Variants in RTKN2 observed in about 807,000 individuals in gnomAD.
RTKN2 encodes the protein rhotekin 2, also known as rhotekin-2.
A neutral mutation model predicts 71.5 loss-of-function variants in RTKN2; 69 were observed. The observed-to-expected ratio is 0.96, with a 90% CI of 0.79 to 1.18. The LOEUF (loss-of-function observed/expected upper bound fraction) is 1.18. Ranked by LOEUF, RTKN2 falls within the 50% of genes most tolerant of loss-of-function variation. The pLI is 0.00. For synonymous variants in RTKN2, 236 were observed against 236.5 expected (o/e 1.00, Z 0.02); for missense variants, 724 against 719.7 (o/e 1.01, Z -0.07).
chr10:62,247,164 T>TA (rs1274770140), intron 2 of RTKN2, among the ~76,000 whole-genome samples: 3 of 151,970 alleles, frequency 2.0e-5, no homozygotes, highest in Non-Finnish European at 4.4e-5. Context: ...GGACTTTATC[T>TA]AAGTAATTTT....
At chr10:62,225,893 T>A (rs1842011845) in intron 6 of RTKN2, among the ~76,000 whole-genome samples, 1 of 151,468 alleles carries the variant, frequency 6.6e-6, no homozygotes, top group South Asian at 2.1e-4. Flanking sequence ...GCCATTCTCC[T>A]CCCTCAGCCT....
At chr10:62,202,191 A>G (rs1162795182) in intron 10 of RTKN2, among the ~76,000 whole-genome samples, 2 of 152,164 alleles carry the variant, frequency 1.3e-5, no homozygotes, top group Non-Finnish European at 2.9e-5. Context: ...AAATGTTAAA[A>G]ATAGCTATTA....
At chr10:62,216,067 G>A (rs1468133268) in intron 9 of RTKN2, among the ~76,000 whole-genome samples, 1 of 151,880 alleles carries the variant, frequency 6.6e-6, no homozygotes, top group East Asian at 1.9e-4. Context: ...GTAAAAAGCA[G>A]TGTAATTTCT....
At chr10:62,206,055 A>G (rs1301780277) in intron 9 of RTKN2, among the ~76,000 whole-genome samples, 1 of 152,198 alleles carries the variant, frequency 6.6e-6, no homozygotes, top group Non-Finnish European at 1.5e-5. Flanking sequence ...GATGTATTTC[A>G]TGTAACTCAG....
At position 62,240,261 on chromosome 10, in the gene RTKN2, A is replaced by AC. The variant is rs141369606; in HGVS notation, c.371-497_371-496insG. ...CAAGGGAGGAAACCACAAGAAAAAA[A>AC]AAAACAAAACAATAAAATAGACATG... is the stretch of plus-strand genomic sequence containing the variant. On this transcript the variant is annotated intron_variant, in intron 4 of 11. Transcript: ENST00000373789. 6.2e-3 allele frequency among the ~76,000 whole-genome samples: 940 copies of AC among 151,460 alleles called. 4 individuals carry two copies. Among genetic ancestry groups the AC allele is most frequent in the Non-Finnish European group, 7.4e-3 (500 of 67,808 alleles).
chr10:62,264,949 A>C (rs1842842318), intron 1 of RTKN2, among the ~76,000 whole-genome samples: 1 of 152,100 alleles, frequency 6.6e-6, no homozygotes. Context: ...ACAACCTTAA[A>C]GAACCAGCAG....
rs1841301431 is a variant in RTKN2, at chr10:62,195,352, T to C, written c.*2556A>G. ...AAGCTGAAGCAGCTTTCATATTACA[T>C]GGCATATTTATTTGTCATAAACTTC... On this transcript the variant is annotated 3_prime_UTR_variant, in exon 12 of 12. Transcript: ENST00000373789. 1 of 984,620 alleles carries C rather than the reference T, an allele frequency of 1.0e-6. No individual in the cohort carries two copies. The highest frequency in any genetic ancestry group is 1.1e-4 in the East Asian group (1 of 8,826). 61.0% of individuals were successfully genotyped at this position (984,620 alleles called of 1,614,324 possible). A position where few individuals can be genotyped will look rare whatever the true frequency, so the allele number is the denominator to read the frequency against.
intron 2 of RTKN2, among the ~76,000 whole-genome samples, chr10:62,250,982 C>G (rs1288076865): frequency 6.6e-6 from 1 of 152,146 alleles, no homozygotes; most frequent in Non-Finnish European, 1.5e-5. Flanking sequence ...TGTAATGAAA[C>G]CTCACACTGC....
intron 1 of RTKN2, among the ~76,000 whole-genome samples, chr10:62,266,152 T>C (rs1341594314): frequency 1.3e-5 from 2 of 152,216 alleles, no homozygotes; most frequent in African/African-American, 4.8e-5. Flanking sequence ...AAAGTCAGGC[T>C]GATAAAAATA....
At chr10:62,226,257 TTA>T (rs1842021480) in intron 6 of RTKN2, among the ~76,000 whole-genome samples, 1 of 152,216 alleles carries the variant, frequency 6.6e-6, no homozygotes, top group African/African-American at 2.4e-5. Flanking sequence ...ATGCTAGGTG[TTA>T]TGTTTCATAA....
At chr10:62,242,912 T>C (rs947727596) in intron 3 of RTKN2, among the ~76,000 whole-genome samples, 1 of 152,214 alleles carries the variant, frequency 6.6e-6, no homozygotes, top group African/African-American at 2.4e-5. Context: ...ATTACAGGCA[T>C]GAGCCACTGT....
chr10:62,219,265 G>A (rs939848506), intron 7 of RTKN2, among the ~76,000 whole-genome samples: 5 of 152,096 alleles, frequency 3.3e-5, no homozygotes, highest in Admixed American at 3.3e-4. Flanking sequence ...GATGACACTG[G>A]GGCGCAGCCT....
Position 62,193,751 on chromosome 10 carries a change from A to G in RTKN2, c.*4157T>C. On this transcript the variant is annotated 3_prime_UTR_variant, in exon 12 of 12. Coordinates refer to ENST00000373789, the MANE Select transcript of RTKN2 (RefSeq NM_145307.4). ...CTGCAGTGGCTTAAGCTCTGGGGAA[A>G]TTCTGGATCACTAAACTAAAAGTAA... The G allele has an allele frequency of 7.1e-6, 7 of 985,320 alleles. No homozygotes were observed. The highest frequency in any genetic ancestry group is 8.4e-6 in the Non-Finnish European group (7 of 829,818). 61.0% of individuals were successfully genotyped at this position (985,320 alleles called of 1,614,324 possible).
intron 2 of RTKN2, among the ~76,000 whole-genome samples, chr10:62,261,377 C>T (rs1476971225): frequency 6.6e-6 from 1 of 152,174 alleles, no homozygotes; most frequent in Non-Finnish European, 1.5e-5. Context: ...CACAGTGGCT[C>T]ATGCCTGTAA....
intron 2 of RTKN2, among the ~76,000 whole-genome samples, chr10:62,259,695 G>A (rs1184357601): frequency 6.6e-6 from 1 of 152,118 alleles, no homozygotes; most frequent in Admixed American, 6.5e-5. Flanking sequence ...GGGAGTACAG[G>A]CACATGCCAC....
chr10:62,208,170 AATT>A (rs1443531105), intron 9 of RTKN2, among the ~76,000 whole-genome samples: 7 of 152,284 alleles, frequency 4.6e-5, no homozygotes, highest in Admixed American at 3.9e-4. Context: ...GGTTTTTAAA[AATT>A]ATTATTTTGA....
rs1841268142 is a variant in RTKN2, at chr10:62,193,708, T to C, written c.*4200A>G. Reference sequence around the variant, plus strand: ...CCTTGTGGCTAGTAGCGACTGAATATCCTACGTACCTAATTTACTGCAGTG... The same window carrying C: ...CCTTGTGGCTAGTAGCGACTGAATACCCTACGTACCTAATTTACTGCAGTG... On this transcript the variant is annotated 3_prime_UTR_variant, in exon 12 of 12. Coordinates refer to ENST00000373789, the MANE Select transcript of RTKN2 (RefSeq NM_145307.4). 1.0e-6 allele frequency: 1 copy of C among 985,076 alleles called. No individual in the cohort carries two copies. The highest frequency in any genetic ancestry group is 1.2e-6 in the Non-Finnish European group (1 of 829,734). The allele number at this position is 985,076 out of a possible 1,614,324, so 61.0% of individuals were successfully genotyped here.
rs998311609 is a variant in RTKN2, at chr10:62,194,830, T to C, written c.*3078A>G. The C allele has an allele frequency of 4.8e-5, 47 of 985,088 alleles. No homozygotes were observed. The highest frequency in any genetic ancestry group is 5.3e-5 in the Non-Finnish European group (44 of 829,764). The allele number at this position is 985,088 out of a possible 1,614,324, so 61.0% of individuals were successfully genotyped here. On this transcript the variant is annotated 3_prime_UTR_variant, in exon 12 of 12. Transcript: ENST00000373789. The stretch of plus-strand genomic sequence containing the variant: ...ATAAATAGTAGCAGGTAAAATGCAT[T>C]TAGTAAGATCCCAAAGGGTAAAGAT...
At position 62,194,675 on chromosome 10, in the gene RTKN2, T is replaced by C. The variant is rs1841287252; in HGVS notation, c.*3233A>G. On this transcript the variant is annotated 3_prime_UTR_variant, in exon 12 of 12. Transcript: ENST00000373789. ...AAATTGCACCAAACTGCCCTATAAT[T>C]TCATTTTGGACTGAATTAATTAACT... 3.0e-6 allele frequency: 3 copies of C among 985,384 alleles called. No homozygotes were observed. The highest frequency in any genetic ancestry group is 3.6e-6 in the Non-Finnish European group (3 of 829,906). 61.0% of individuals were successfully genotyped at this position (985,384 alleles called of 1,614,324 possible).
Sources: gnomAD v4.1 joint callset for allele counts (sites outside exome capture counted in the v4.1 genomes callset) on GRCh38, gnomAD v4.1.1 for gene constraint, MANE v1.5 for transcripts, NCBI Gene and HGNC (gene_info 2026-07-23, HGNC 2026-07-21) for gene names.